Variants in TENM4 observed in about 807,000 individuals in gnomAD.
TENM4 encodes teneurin transmembrane protein 4.
In TENM4, 82 loss-of-function variants were observed where a neutral mutation model predicts 243.3. The ratio of observed to expected loss-of-function variants is 0.34; its 90% confidence interval spans 0.28 to 0.40. The LOEUF (loss-of-function observed/expected upper bound fraction) is 0.40. Ranked by LOEUF, TENM4 falls within the 10% of genes least tolerant of loss-of-function variation. The pLI, the probability that TENM4 is intolerant of heterozygous loss-of-function variation, is 1.00. For synonymous variants in TENM4, 1,412 were observed against 1,456.3 expected (o/e 0.97, Z 0.69); for missense variants, 3,138 against 3,673.3 (o/e 0.85, Z 3.77).
intron 12 of TENM4, among the ~76,000 whole-genome samples, chr11:78,822,328 C>G (rs1222742315): frequency 6.6e-6 from 1 of 152,178 alleles, no homozygotes; most frequent in African/African-American, 2.4e-5. Context: ...TTTTCATCTA[C>G]AAAATTTATA....
At chr11:78,760,472 C>G (rs1856403802) in intron 18 of TENM4, among the ~76,000 whole-genome samples, 1 of 152,218 alleles carries the variant, frequency 6.6e-6, no homozygotes, top group African/African-American at 2.4e-5. Context: ...TCCTTAGACT[C>G]ACCAATCTGT....
At chr11:79,416,404 G>A (rs1252064255) in intron 1 of TENM4, among the ~76,000 whole-genome samples, 4 of 152,120 alleles carry the variant, frequency 2.6e-5, no homozygotes, top group Non-Finnish European at 5.9e-5. Flanking sequence ...TTTAATTTTA[G>A]ACATTCGAGT....
At chr11:79,053,793 C>A (rs950609264) in intron 6 of TENM4, among the ~76,000 whole-genome samples, 1 of 152,116 alleles carries the variant, frequency 6.6e-6, no homozygotes, top group African/African-American at 2.4e-5. Flanking sequence ...TGTATCAAAC[C>A]CATATAAACT....
At chr11:79,432,945 G>C (rs962684452) in intron 1 of TENM4, among the ~76,000 whole-genome samples, 1 of 152,174 alleles carries the variant, frequency 6.6e-6, no homozygotes, top group Non-Finnish European at 1.5e-5. Context: ...AGAAAGCATT[G>C]AGTATGTGTT....
chr11:78,878,020 T>C (rs996316859), intron 9 of TENM4, among the ~76,000 whole-genome samples: 1 of 152,200 alleles, frequency 6.6e-6, no homozygotes, highest in Admixed American at 6.5e-5. Flanking sequence ...CCGTGCCGGC[T>C]ATGTTTCAGC....
rs1862846617 is a variant in TENM4 at position 79,164,243 on chromosome 11, A to ACAGTATATATAGTATATAGATATAC, written c.-162-15438_-162-15437insGTATATCTATATACTATATATACTG. Among the ~76,000 whole-genome samples, 4 of 50,980 alleles carry ACAGTATATATAGTATATAGATATAC rather than the reference A, an allele frequency of 7.8e-5. No individual in the cohort carries two copies. In the Admixed American group the frequency reaches 8.1e-4, roughly 10 times the overall value. 33.4% of individuals were successfully genotyped at this position (50,980 alleles called of 152,430 possible). ...GTATACTATACTATATACAGTATAT[A>ACAGTATATATAGTATATAGATATAC]TAGTATATATAGTATATAGATATAC... On this transcript the variant is annotated intron_variant, in intron 3 of 33. Transcript: ENST00000278550.
intron 6 of TENM4, among the ~76,000 whole-genome samples, chr11:78,964,856 T>G (rs1857405611): frequency 6.6e-6 from 1 of 152,158 alleles, no homozygotes; most frequent in African/African-American, 2.4e-5. Flanking sequence ...GGAAAAATAC[T>G]TCCAGCTCCT....
At chr11:79,215,028 G>A (rs1864022759) in intron 3 of TENM4, among the ~76,000 whole-genome samples, 1 of 152,172 alleles carries the variant, frequency 6.6e-6, no homozygotes, top group African/African-American at 2.4e-5. Flanking sequence ...TTGCTGGAAG[G>A]ATAAGAAAAA....
At chr11:78,880,103 G>C (rs988175110) in intron 9 of TENM4, among the ~76,000 whole-genome samples, 1 of 152,246 alleles carries the variant, frequency 6.6e-6, no homozygotes, top group Non-Finnish European at 1.5e-5. Flanking sequence ...ATTTTGTTCT[G>C]TACTAAGAAA....
chr11:79,210,655 A>T (rs1467003990), intron 3 of TENM4, among the ~76,000 whole-genome samples: 1 of 152,070 alleles, frequency 6.6e-6, no homozygotes, highest in Non-Finnish European at 1.5e-5. Flanking sequence ...GGAGGGGAGG[A>T]AAATCTGCTT....
chr11:78,846,254 C>T (rs901520117), intron 12 of TENM4, among the ~76,000 whole-genome samples: 3 of 152,164 alleles, frequency 2.0e-5, no homozygotes, highest in African/African-American at 4.8e-5. Context: ...TTTTCTAGGA[C>T]GTGTGCTTAC....
At chr11:78,934,144 C>A (rs1419834968) in intron 6 of TENM4, among the ~76,000 whole-genome samples, 3 of 152,146 alleles carry the variant, frequency 2.0e-5, no homozygotes, top group Non-Finnish European at 2.9e-5. Flanking sequence ...GGGAATGCTG[C>A]CTGGGGAGAT....
intron 28 of TENM4, among the ~76,000 whole-genome samples, chr11:78,696,888 C>T (rs1264141642): frequency 6.6e-6 from 1 of 151,934 alleles, no homozygotes; most frequent in African/African-American, 2.4e-5. Flanking sequence ...TCTTTTCTTC[C>T]CTCATTCAGC....
At chr11:79,295,663 G>A (rs1435386658) in intron 2 of TENM4, among the ~76,000 whole-genome samples, 4 of 152,252 alleles carry the variant, frequency 2.6e-5, no homozygotes, top group African/African-American at 7.2e-5. Context: ...CAGAGGGCAG[G>A]TGAAGGGGAA....
chr11:79,159,645 A>T (rs970532200), intron 3 of TENM4, among the ~76,000 whole-genome samples: 2 of 152,070 alleles, frequency 1.3e-5, no homozygotes, highest in Non-Finnish European at 2.9e-5. Flanking sequence ...GCTGACCCAG[A>T]TGTTGAGCCT....
At chr11:79,344,821 C>T (rs1352213598) in intron 1 of TENM4, among the ~76,000 whole-genome samples, 1 of 152,216 alleles carries the variant, frequency 6.6e-6, no homozygotes, top group South Asian at 2.1e-4. Flanking sequence ...CAGGAAACTG[C>T]ACTTGGCTGG....
At chr11:79,247,684 G>C (rs188685115) in intron 2 of TENM4, among the ~76,000 whole-genome samples, 26 of 152,358 alleles carry the variant, frequency 1.7e-4, no homozygotes, top group African/African-American at 6.3e-4. Flanking sequence ...CTCCCAGCCA[G>C]GAAGTGATGG....
chr11:79,130,771 C>T (rs762918774), intron 4 of TENM4, among the ~76,000 whole-genome samples: 8 of 152,078 alleles, frequency 5.3e-5, no homozygotes, highest in South Asian at 2.1e-4. Flanking sequence ...TGCAGTGAGC[C>T]GAGATTGCAC....
intron 12 of TENM4, among the ~76,000 whole-genome samples, chr11:78,818,647 G>A (rs1398039698): frequency 6.6e-6 from 1 of 152,202 alleles, no homozygotes; most frequent in Non-Finnish European, 1.5e-5. Context: ...CACTGACCAG[G>A]TATCTCTGTG....
Sources: gnomAD v4.1 joint callset for allele counts (sites outside exome capture counted in the v4.1 genomes callset) on GRCh38, gnomAD v4.1.1 for gene constraint, MANE v1.5 for transcripts, NCBI Gene and HGNC (gene_info 2026-07-23, HGNC 2026-07-21) for gene names.